SDCCAG8: variants seen among roughly 807,000 people sequenced by gnomAD.
SDCCAG8 encodes SHH signaling and ciliogenesis regulator SDCCAG8.
A neutral mutation model predicts 101.8 loss-of-function variants in SDCCAG8; 74 were observed. That is an observed-to-expected ratio of 0.73 (90% confidence interval 0.60 to 0.88). The LOEUF (loss-of-function observed/expected upper bound fraction) is 0.88. Ranked by LOEUF, SDCCAG8 falls within the 40% of genes least tolerant of loss-of-function variation. SDCCAG8 has a pLI of 0.00. For synonymous variants in SDCCAG8, 281 were observed against 292.9 expected (o/e 0.96, Z 0.41); for missense variants, 787 against 822.6 (o/e 0.96, Z 0.53).
Position 243,274,600 on chromosome 1 carries a change from A to C in SDCCAG8, c.364A>C (p.Ile122Leu). Residue 122 changes from isoleucine to leucine, a missense_variant, in exon 4 of 18, where the codon ATT becomes CTT. Physicochemically the swap from Ile to Leu is conservative, Grantham distance 5. Transcript: ENST00000366541. Reference sequence around the variant, plus strand: ...TACTATGCACGACCTTGTTCATACTATTAATGACCAGTCTCAATATATTCA... The same window carrying C: ...TACTATGCACGACCTTGTTCATACTCTTAATGACCAGTCTCAATATATTCA... ...MPTMHDLVHT[I>L]NDQSQYIHHL... 6.2e-7 allele frequency: 1 copy of C among 1,612,054 alleles called. No individual in the cohort carries two copies. The highest frequency in any genetic ancestry group is 8.5e-7 in the Non-Finnish European group (1 of 1,178,546).
chr1:243,367,985 A>G (rs889152345), intron 12 of SDCCAG8, among the ~76,000 whole-genome samples: 1 of 151,756 alleles, frequency 6.6e-6, no homozygotes, highest in Non-Finnish European at 1.5e-5. Flanking sequence ...AGGTCAAGGC[A>G]GGAGGATCGC....
intron 1 of SDCCAG8, chr1:243,267,547 A>T: frequency 2.3e-6 from 1 of 436,396 alleles, no homozygotes; most frequent in Non-Finnish European, 4.2e-6. Context: ...GGGTGCGGTG[A>T]GCCGAGATTG....
chr1:243,264,401 G>C (rs1053288999), intron 1 of SDCCAG8, among the ~76,000 whole-genome samples: 7 of 152,246 alleles, frequency 4.6e-5, no homozygotes, highest in African/African-American at 1.7e-4. Context: ...GATCACCTGA[G>C]GTCGAGGGTT....
intron 1 of SDCCAG8, chr1:243,267,525 C>G (rs1276961401): frequency 2.5e-6 from 1 of 400,764 alleles, no homozygotes; most frequent in East Asian, 6.0e-5. Flanking sequence ...TCGCTTGAAC[C>G]CGAGAGGCGG....
chr1:243,482,430 C>A lies in SDCCAG8; in HGVS notation c.1986-6584C>A, dbSNP rs1176589443. 2.0e-5 allele frequency among the ~76,000 whole-genome samples: 3 copies of A among 152,344 alleles called. No homozygotes were observed. In the East Asian group the frequency reaches 5.8e-4, roughly 29 times the overall value. On this transcript the variant is annotated intron_variant, in intron 16 of 17. Transcript: ENST00000366541. ...TTTGTTCCCATGGTAACTGCTGCCCCTGACACGCCTGAAATTCCTGGGATG... is the reference window on the plus strand; with the variant it reads ...TTTGTTCCCATGGTAACTGCTGCCCATGACACGCCTGAAATTCCTGGGATG...
intron 16 of SDCCAG8, among the ~76,000 whole-genome samples, chr1:243,461,327 G>T (rs1477555034): frequency 6.6e-6 from 1 of 152,196 alleles, no homozygotes; most frequent in Non-Finnish European, 1.5e-5. Context: ...CAAATGTAAG[G>T]TTGATCAAAG....
chr1:243,432,557 A>T (rs2081860746), intron 16 of SDCCAG8, among the ~76,000 whole-genome samples: 1 of 152,256 alleles, frequency 6.6e-6, no homozygotes, highest in South Asian at 2.1e-4. Context: ...AAAATTAAAA[A>T]AAGAGAGAAA....
chr1:243,390,911 C>T (rs531907081), intron 13 of SDCCAG8, among the ~76,000 whole-genome samples: 1 of 152,274 alleles, frequency 6.6e-6, no homozygotes, highest in Middle Eastern at 3.4e-3. Context: ...TAACAAAAGC[C>T]CATCACCTTG....
rs375013516 is a variant in SDCCAG8, at chr1:243,489,108, C to T, written c.2080C>T (p.Leu694=). ...CCAGCTTCTCCTGGAGAGGCAGAGC[C>T]TGTCGGAAGAGGTGGACCGGCTGCG... ...QNQLLLERQS[L]SEEVDRLRTQ... is the part of the protein sequence containing the mutation. Residue 694 remains leucine, a synonymous_variant, in exon 17 of 18, where the codon CTG becomes TTG. Transcript: ENST00000366541. 6.2e-7 allele frequency: 1 copy of T among 1,613,116 alleles called. No individual in the cohort carries two copies. The highest frequency in any genetic ancestry group is 1.3e-5 in the African/African-American group (1 of 75,064).
Position 243,341,220 on chromosome 1 carries a change from C to T in SDCCAG8, c.1356+47C>T, listed in dbSNP as rs761092168. The T allele has an allele frequency of 6.9e-6, 11 of 1,603,564 alleles. No homozygotes were observed. In the African/African-American group the frequency reaches 1.2e-4, roughly 18 times the overall value. ...TAATCGTTACTTAAGGAAATATTTC[C>T]TTTGAAAAATGTTTTCCTAATGTAC... On this transcript the variant is annotated intron_variant, in intron 11 of 17. Transcript: ENST00000366541.
intron 16 of SDCCAG8, among the ~76,000 whole-genome samples, chr1:243,469,087 G>A (rs1008743544): frequency 1.4e-4 from 21 of 152,154 alleles, no homozygotes; most frequent in African/African-American, 5.1e-4. Flanking sequence ...CTCAGATTTC[G>A]ACCCAGATCT....
At chr1:243,275,873 T>G (rs1219435039) in intron 4 of SDCCAG8, among the ~76,000 whole-genome samples, 3 of 140,376 alleles carry the variant, frequency 2.1e-5, no homozygotes, top group Non-Finnish European at 3.1e-5. Context: ...TTTTTTTTTT[T>G]TTTTTTTTTT....
chr1:243,395,585 A>G (rs2078986279), intron 13 of SDCCAG8, among the ~76,000 whole-genome samples: 1 of 152,330 alleles, frequency 6.6e-6, no homozygotes, highest in South Asian at 2.1e-4. Flanking sequence ...AATGATTTAT[A>G]TGACACTGGG....
At chr1:243,448,827 A>G (rs1437461134) in intron 16 of SDCCAG8, among the ~76,000 whole-genome samples, 1 of 152,240 alleles carries the variant, frequency 6.6e-6, no homozygotes, top group Non-Finnish European at 1.5e-5. Flanking sequence ...CTTAGAAGGC[A>G]TTTACTAAAT....
chr1:243,450,811 A>G (rs906961573), intron 16 of SDCCAG8, among the ~76,000 whole-genome samples: 11 of 152,142 alleles, frequency 7.2e-5, no homozygotes, highest in Non-Finnish European at 1.5e-4. Context: ...GGTGTGCGCC[A>G]CCACGCCCGG....
chr1:243,284,784 C>T (rs2069431775), intron 4 of SDCCAG8, among the ~76,000 whole-genome samples: 1 of 152,144 alleles, frequency 6.6e-6, no homozygotes, highest in Admixed American at 6.5e-5. Context: ...CTTTAGGTTG[C>T]ATAAGGGGAT....
intron 13 of SDCCAG8, among the ~76,000 whole-genome samples, chr1:243,403,870 A>G (rs1424904420): frequency 6.6e-6 from 1 of 152,248 alleles, no homozygotes; most frequent in African/African-American, 2.4e-5. Context: ...AATAATAGAA[A>G]TAAACTGCCC....
intron 13 of SDCCAG8, among the ~76,000 whole-genome samples, chr1:243,384,474 G>C (rs935939175): frequency 1.3e-4 from 19 of 151,922 alleles, no homozygotes; most frequent in Non-Finnish European, 1.5e-5. Context: ...TTTTAACTTT[G>C]TGTAAATATA....
intron 12 of SDCCAG8, among the ~76,000 whole-genome samples, chr1:243,360,601 A>G (rs2147850450): frequency 6.6e-6 from 1 of 152,098 alleles, no homozygotes; most frequent in East Asian, 2.0e-4. Flanking sequence ...AGGCAGGTGA[A>G]TCAGGAGGTC....
Sources: allele counts gnomAD v4.1 joint callset (sites outside exome capture counted in the v4.1 genomes callset), GRCh38; gene constraint gnomAD v4.1.1; transcripts MANE v1.5; gene names NCBI Gene and HGNC (gene_info 2026-07-23, HGNC 2026-07-21).